The following UNC5B variants were observed in gnomAD, a reference collection of about 807,000 sequenced individuals.
The protein encoded by UNC5B is netrin receptor UNC5B.
A neutral mutation model predicts 103.7 loss-of-function variants in UNC5B; 56 were observed. That is an observed-to-expected ratio of 0.54 (90% confidence interval 0.44 to 0.67). UNC5B has a LOEUF of 0.67. Among genes scored for constraint, UNC5B ranks in the 30% least tolerant of loss-of-function variants. The pLI, the probability that UNC5B is intolerant of heterozygous loss-of-function variation, is 0.00. For synonymous variants in UNC5B, 577 were observed against 542.0 expected (o/e 1.06, Z -0.90); for missense variants, 1,194 against 1,284.5 (o/e 0.93, Z 1.08).
chr10:71,256,089 T>C (rs61852801), intron 1 of UNC5B, among the ~76,000 whole-genome samples: 5 of 152,200 alleles, frequency 3.3e-5, no homozygotes, highest in African/African-American at 9.7e-5. Context: ...AGGAAACTTA[T>C]CTGTAAGCTC....
intron 1 of UNC5B, among the ~76,000 whole-genome samples, chr10:71,224,181 G>A (rs894105858): frequency 6.6e-6 from 1 of 151,826 alleles, no homozygotes; most frequent in South Asian, 2.1e-4. Context: ...CTGCAAATTT[G>A]ATCCAGCCCC....
At position 71,287,704 on chromosome 10, in the gene UNC5B, C is replaced by T. The variant is rs778409392; in HGVS notation, c.840C>T (p.Asn280=). The change falls in exon 6 of 17, where the codon AAC becomes AAT. Residue 280 remains asparagine, a synonymous_variant. Transcript: ENST00000335350. ...CCTGCACCAACCCCGCTCCACTCAA[C>T]GGAGGGGCCTTCTGCGAGGGCCAGG... ...TRTCTNPAPL[N]GGAFCEGQAF... is the part of the protein sequence containing the mutation. The T allele has an allele frequency of 8.7e-6, 14 of 1,612,730 alleles. No individual in the cohort carries two copies. The highest frequency in any genetic ancestry group is 1.1e-5 in the Non-Finnish European group (13 of 1,179,374).
At chr10:71,215,806 GGTGTGTGTGTGTGT>G (rs55848098) in intron 1 of UNC5B, among the ~76,000 whole-genome samples, 2,125 of 149,644 alleles carry the variant, frequency 0.014, 42 homozygotes, top group African/African-American at 0.045. Context: ...GTCTCTGCTT[GGTGTGTGTGTGTGT>G]GTGTGTGTGT....
At chr10:71,242,289 A>G (rs1843921641) in intron 1 of UNC5B, among the ~76,000 whole-genome samples, 1 of 152,146 alleles carries the variant, frequency 6.6e-6, no homozygotes, top group African/African-American at 2.4e-5. Flanking sequence ...TGTAGGGATG[A>G]GGAAGCTGAG....
At chr10:71,239,504 C>A (rs1843846893) in intron 1 of UNC5B, among the ~76,000 whole-genome samples, 1 of 152,146 alleles carries the variant, frequency 6.6e-6, no homozygotes, top group African/African-American at 2.4e-5. Context: ...ACCTCTTGGG[C>A]CCTGTTTCCC....
intron 14 of UNC5B, among the ~76,000 whole-genome samples, chr10:71,296,344 G>GAC (rs1048158741): frequency 6.6e-6 from 1 of 151,988 alleles, no homozygotes; most frequent in Non-Finnish European, 1.5e-5. Flanking sequence ...CCTAGCCCCT[G>GAC]ACACACACAC....
chr10:71,287,745 C>A lies in UNC5B; in HGVS notation c.881C>A (p.Ala294Asp). ...FCEGQAFQKT[A>D]CTTICPVDGA... is the part of the protein sequence containing the mutation. ...GAGGGCCAGGCATTCCAGAAGACCGCCTGCACCACCATCTGCCCAGGTAAG... is the reference window on the plus strand; with the variant it reads ...GAGGGCCAGGCATTCCAGAAGACCGACTGCACCACCATCTGCCCAGGTAAG... Residue 294 changes from alanine to aspartate, a missense_variant, in exon 6 of 17, where the codon GCC (alanine) becomes GAC (aspartate). Coordinates refer to ENST00000335350, the MANE Select transcript of UNC5B (RefSeq NM_170744.5). 3 of 1,612,852 alleles carry A rather than the reference C, an allele frequency of 1.9e-6. No individual in the cohort carries two copies. Among genetic ancestry groups the A allele is most frequent in the Non-Finnish European group, 2.5e-6 (3 of 1,179,338 alleles).
chr10:71,227,711 C>CATATATATAT (rs1564707156), intron 1 of UNC5B, among the ~76,000 whole-genome samples: 1 of 75,946 alleles, frequency 1.3e-5, no homozygotes, highest in African/African-American at 3.6e-5. Flanking sequence ...CACATATACA[C>CATATATATAT]ACACACACAC....
chr10:71,216,190 A>C (rs1434855891), intron 1 of UNC5B, among the ~76,000 whole-genome samples: 2 of 152,158 alleles, frequency 1.3e-5, no homozygotes, highest in Non-Finnish European at 2.9e-5. Flanking sequence ...TCACAACCTC[A>C]ATCTAGTGCT....
chr10:71,285,378 C>T lies in UNC5B; in HGVS notation c.501C>T (p.Asp167=). The T allele has an allele frequency of 6.2e-7, 1 of 1,611,036 alleles. No individual in the cohort carries two copies. Among genetic ancestry groups the T allele is most frequent in the Non-Finnish European group, 8.5e-7 (1 of 1,179,130 alleles). ...CTCTGGGCAAGGAGGTGCCCCTGGACCATGAGGTTCTCCTGCAGTGCCGCC... is the reference window on the plus strand; with the variant it reads ...CTCTGGGCAAGGAGGTGCCCCTGGATCATGAGGTTCTCCTGCAGTGCCGCC... The part of the protein sequence containing the change: ...QEPLGKEVPL[D]HEVLLQCRPP... The change falls in exon 4 of 17, where the codon GAC becomes GAT. Residue 167 remains aspartate, a synonymous_variant. Coordinates refer to ENST00000335350, the MANE Select transcript of UNC5B (RefSeq NM_170744.5).
intron 1 of UNC5B, among the ~76,000 whole-genome samples, chr10:71,252,751 C>T (rs538758370): frequency 6.6e-6 from 1 of 152,252 alleles, no homozygotes; most frequent in South Asian, 2.1e-4. Flanking sequence ...CCTTGTGAGA[C>T]GGCACCTGCA....
At chr10:71,240,915 A>C (rs922846581) in intron 1 of UNC5B, among the ~76,000 whole-genome samples, 2 of 152,240 alleles carry the variant, frequency 1.3e-5, no homozygotes, top group Non-Finnish European at 2.9e-5. Flanking sequence ...CTGAAGGGCA[A>C]GTTCAGGATG....
rs768633129 is a variant in UNC5B, at chr10:71,292,531, C to T, written c.1749C>T (p.Leu583=). ...GCAAGTTCTACGAGATGTATCTACT[C>T]ATCAACAAGGCAGAAAGTACCCTGT... ...PQGKFYEMYL[L]INKAESTLPL... Residue 583 remains leucine, a synonymous_variant, in exon 11 of 17, where the codon CTC becomes CTT. Coordinates refer to ENST00000335350, the MANE Select transcript of UNC5B (RefSeq NM_170744.5). The T allele has an allele frequency of 1.2e-6, 2 of 1,605,186 alleles. No homozygotes were observed. Among genetic ancestry groups the T allele is most frequent in the Non-Finnish European group, 8.5e-7 (1 of 1,176,014 alleles).
chr10:71,266,140 A>G (rs1324897998), intron 1 of UNC5B, among the ~76,000 whole-genome samples: 1 of 151,914 alleles, frequency 6.6e-6, no homozygotes, highest in Non-Finnish European at 1.5e-5. Context: ...GGAACTGACA[A>G]ACTTAGTGCC....
chr10:71,263,644 G>C (rs1056857909), intron 1 of UNC5B, among the ~76,000 whole-genome samples: 1 of 152,174 alleles, frequency 6.6e-6, no homozygotes, highest in East Asian at 1.9e-4. Flanking sequence ...GGAAAATGCC[G>C]AGTATTTCTC....
chr10:71,271,253 G>A (rs966530178), intron 1 of UNC5B, among the ~76,000 whole-genome samples: 18 of 152,184 alleles, frequency 1.2e-4, no homozygotes, highest in East Asian at 5.8e-4. Context: ...CCTCGTTTTC[G>A]CATCTGTAAA....
At chr10:71,225,151 A>G (rs1442778479) in intron 1 of UNC5B, among the ~76,000 whole-genome samples, 2 of 152,234 alleles carry the variant, frequency 1.3e-5, no homozygotes, top group South Asian at 2.1e-4. Flanking sequence ...AATCTCACCC[A>G]CCTTCTTTGA....
intron 1 of UNC5B, among the ~76,000 whole-genome samples, chr10:71,226,527 G>A (rs77005378): frequency 0.014 from 2,173 of 152,312 alleles, 24 homozygotes; most frequent in Middle Eastern, 0.027. Context: ...TGTTAGTCCC[G>A]GTTTCCTCAT....
At chr10:71,216,206 C>CT (rs1174116461) in intron 1 of UNC5B, among the ~76,000 whole-genome samples, 5 of 152,218 alleles carry the variant, frequency 3.3e-5, no homozygotes, top group Admixed American at 3.3e-4. Context: ...GTGCTTCTAG[C>CT]TCCTTCATTC....
Sources: allele counts gnomAD v4.1 joint callset (sites outside exome capture counted in the v4.1 genomes callset), GRCh38; gene constraint gnomAD v4.1.1; transcripts MANE v1.5; gene names NCBI Gene and HGNC (gene_info 2026-07-23, HGNC 2026-07-21).